Variants in STARD4 observed in about 807,000 individuals in gnomAD.
STARD4 encodes the protein StAR related lipid transfer domain containing 4.
STARD4 carries 33 observed loss-of-function variants against 24.9 expected under a neutral mutation model. The observed-to-expected ratio is 1.32, with a 90% CI of 1.00 to 1.77. STARD4 has a LOEUF of 1.77. Among genes scored for constraint, STARD4 ranks in the 40% most tolerant of loss-of-function variants. The pLI, the probability that STARD4 is intolerant of heterozygous loss-of-function variation, is 0.00. For synonymous variants in STARD4, 88 were observed against 77.4 expected (o/e 1.14, Z -0.72); for missense variants, 238 against 249.3 (o/e 0.95, Z 0.31).
In STARD4 at chr5:111,497,672, C is replaced by T. The variant is rs535305251; in HGVS notation, c.*2214G>A. ...TGTGGCTTCTAGAATTTTTTAATTA[C>T]ATATATCACTTACATTATTGTTCTA... On this transcript the variant is annotated 3_prime_UTR_variant, in exon 6 of 6. Coordinates refer to ENST00000296632, the MANE Select transcript of STARD4 (RefSeq NM_139164.3). The T allele has an allele frequency of 2.6e-5, 4 of 152,096 alleles. No individual in the cohort carries two copies. The highest frequency in any genetic ancestry group is 5.9e-5 in the Non-Finnish European group (4 of 67,884). 9.4% of individuals were successfully genotyped at this position (152,096 alleles called of 1,614,324 possible).
rs1756958798 is a variant in STARD4 at position 111,507,560 on chromosome 5, C to A, written c.-9-118G>T. On this transcript the variant is annotated intron_variant, in intron 1 of 5. Coordinates refer to ENST00000296632, the MANE Select transcript of STARD4 (RefSeq NM_139164.3). This position sits in a 1 kb window ranked among gnomAD's most constrained non-coding sequence, Gnocchi z 4.4. ...TACCAGAGCTATAAAAGATAGCTAC[C>A]CTCACCCCAAATCAACTAATCATAA... The A allele has an allele frequency of 1.6e-6, 1 of 640,804 alleles. No individual in the cohort carries two copies. The highest frequency in any genetic ancestry group is 2.6e-6 in the Non-Finnish European group (1 of 390,642). The allele number at this position is 640,804 out of a possible 1,614,324, so 39.7% of individuals were successfully genotyped here. A position where few individuals can be genotyped will look rare whatever the true frequency, so the allele number is the denominator to read the frequency against.
chr5:111,500,800 TG>T, intron 5 of STARD4: 1 of 1,476,620 alleles, frequency 6.8e-7, no homozygotes, highest in Non-Finnish European at 8.9e-7. Flanking sequence ...ACTGTGTAAC[TG>T]GGAACAAAAA....
chr5:111,499,111 T>C lies in STARD4; in HGVS notation c.*775A>G, dbSNP rs1039162585. 1 of 152,140 alleles carries C rather than the reference T, an allele frequency of 6.6e-6. No homozygotes were observed. Among genetic ancestry groups the C allele is most frequent in the Non-Finnish European group, 1.5e-5 (1 of 68,016 alleles). The allele number at this position is 152,140 out of a possible 1,614,324, so 9.4% of individuals were successfully genotyped here. A position where few individuals can be genotyped will look rare whatever the true frequency, so the allele number is the denominator to read the frequency against. On this transcript the variant is annotated 3_prime_UTR_variant, in exon 6 of 6. Transcript: ENST00000296632. ...GTGTGCATGTACACAAAAAAATATA[T>C]ACAAAGATTTGCCTGGATACCTGAA...
chr5:111,507,955 T>A lies in STARD4; in HGVS notation c.-9-513A>T, dbSNP rs965860964. ...AGCCCAAGTTCTCAAGTCAAAAGGC[T>A]TGGAATTGCCCTTAATAAGAATAGG... is the stretch of plus-strand genomic sequence containing the variant. On this transcript the variant is annotated intron_variant, in intron 1 of 5. Transcript: ENST00000296632. This position sits in a 1 kb window ranked among gnomAD's most constrained non-coding sequence, Gnocchi z 4.4. Among the ~76,000 whole-genome samples, 10 of 152,166 alleles carry A rather than the reference T, an allele frequency of 6.6e-5. No individual in the cohort carries two copies. The highest frequency in any genetic ancestry group is 2.2e-4 in the African/African-American group (9 of 41,448).
intron 5 of STARD4, 183 bp from the exon 6 acceptor site, chr5:111,500,289 T>A: frequency 3.0e-6 from 4 of 1,336,502 alleles, no homozygotes; most frequent in Non-Finnish European, 3.8e-6. Flanking sequence ...TGACAAGAGG[T>A]TGGCAGATAG....
chr5:111,509,721 T>TA (rs1243611551), intron 1 of STARD4, among the ~76,000 whole-genome samples: 2 of 152,060 alleles, frequency 1.3e-5, no homozygotes, highest in Non-Finnish European at 2.9e-5. Flanking sequence ...ACACAGTGAA[T>TA]AAAAAATGGA....
At chr5:111,511,059 A>C (rs1430074896) in intron 1 of STARD4, among the ~76,000 whole-genome samples, 5 of 152,222 alleles carry the variant, frequency 3.3e-5, no homozygotes, top group East Asian at 1.9e-4. Context: ...AAGCTTTGTA[A>C]ATTAAATTAT....
chr5:111,502,110 C>T, intron 3 of STARD4, 22 bp from the exon 4 acceptor site: 1 of 1,605,420 alleles, frequency 6.2e-7, no homozygotes, highest in Non-Finnish European at 8.5e-7. Context: ...AAGTTTAAGT[C>T]AACCGCTGTT....
Position 111,507,194 on chromosome 5 carries a change from T to A in STARD4, c.105+135A>T. The A allele has an allele frequency of 3.0e-6, 2 of 670,394 alleles. No homozygotes were observed. The highest frequency in any genetic ancestry group is 5.7e-5 in the East Asian group (2 of 35,396). The allele number at this position is 670,394 out of a possible 1,614,324, so 41.5% of individuals were successfully genotyped here. On this transcript the variant is annotated intron_variant, in intron 2 of 5. Transcript: ENST00000296632. This position sits in a 1 kb window ranked among gnomAD's most constrained non-coding sequence, Gnocchi z 4.4. Reference sequence around the variant, plus strand: ...TGTGACATTAGACTATCAACTTTATTAGCTCAATTATTTTTCTTGCATATC... The same window carrying A: ...TGTGACATTAGACTATCAACTTTATAAGCTCAATTATTTTTCTTGCATATC...
At chr5:111,505,480 TG>T (rs368745038) in intron 3 of STARD4, among the ~76,000 whole-genome samples, 14 of 152,352 alleles carry the variant, frequency 9.2e-5, no homozygotes, top group African/African-American at 3.4e-4. Flanking sequence ...GCAAGGCAGT[TG>T]TCTCTACAAG....
In STARD4 at chr5:111,500,002, G is replaced by A. The variant is rs1220518733; in HGVS notation, c.502C>T (p.Leu168Phe). ...TCTGTCTGAATATATCCTGTCAAAA[G>A]ACTCTGGTTTGGGTTGTCTTTAAGT... The part of the protein sequence containing the change: ...VPLKDNPNQS[L>F]LTGYIQTDLR... The change falls in exon 6 of 6, where the codon CTT (leucine) becomes TTT (phenylalanine). Residue 168 changes from leucine to phenylalanine, a missense_variant. Coordinates refer to ENST00000296632, the MANE Select transcript of STARD4 (RefSeq NM_139164.3). 6.2e-7 allele frequency: 1 copy of A among 1,614,048 alleles called. No individual in the cohort carries two copies. Among genetic ancestry groups the A allele is most frequent in the African/African-American group, 1.3e-5 (1 of 74,924 alleles).
Position 111,501,995 on chromosome 5 carries a change from C to A in STARD4, c.249G>T (p.Met83Ile), listed in dbSNP as rs747785621. 2.5e-6 allele frequency: 4 copies of A among 1,614,102 alleles called. No homozygotes were observed. The Admixed American group carries it at 5.0e-5, about 20-fold the overall frequency. ...AGTTCTCCAGAATATCCAAAGAAGT[C>A]ATCAAGCTGTCCCAATCCAAACGAC... ...GPCRLDWDSL[M>I]TSLDILENFE... The change falls in exon 4 of 6, where the codon ATG becomes ATT. Residue 83 changes from methionine (M) to isoleucine (I), a missense_variant. Met to Ile is a conservative substitution (Grantham distance 10). Coordinates refer to ENST00000296632, the MANE Select transcript of STARD4 (RefSeq NM_139164.3).
rs1041731106 is a variant in STARD4, at chr5:111,506,779, G to A, written c.106-400C>T. Among the ~76,000 whole-genome samples, 42 of 152,068 alleles carry A rather than the reference G, an allele frequency of 2.8e-4. 1 individual carries two copies. Among genetic ancestry groups the A allele is most frequent in the African/African-American group, 9.7e-4 (40 of 41,390 alleles). On this transcript the variant is annotated intron_variant, in intron 2 of 5. Coordinates refer to ENST00000296632, the MANE Select transcript of STARD4 (RefSeq NM_139164.3). ...AAATTAAACAATTCACATTTATTAC[G>A]ACAGTGTTAACATGAATTTGTCCCT...
At chr5:111,511,859 A>C (rs183625254) in intron 1 of STARD4, among the ~76,000 whole-genome samples, 1 of 152,344 alleles carries the variant, frequency 6.6e-6, no homozygotes, top group Admixed American at 6.5e-5. Context: ...GTGAGAAATT[A>C]TTTGAGTTAA....
intron 3 of STARD4, among the ~76,000 whole-genome samples, chr5:111,505,488 C>T (rs1289298091): frequency 6.6e-6 from 1 of 152,140 alleles, no homozygotes; most frequent in African/African-American, 2.4e-5. Context: ...GTTGTCTCTA[C>T]AAGCTTTAAA....
intron 3 of STARD4, 145 bp downstream of exon 3, chr5:111,506,185 C>T (rs550879527): frequency 6.9e-5 from 22 of 319,730 alleles, no homozygotes; most frequent in African/African-American, 6.5e-4. Context: ...CAGAGTGAGA[C>T]TCTGTCTCAA....
Position 111,507,210 on chromosome 5 carries a change from C to A in STARD4, c.105+119G>T. On this transcript the variant is annotated intron_variant, in intron 2 of 5. Coordinates refer to ENST00000296632, the MANE Select transcript of STARD4 (RefSeq NM_139164.3). The surrounding 1 kb of genome is among the most constrained non-coding windows in gnomAD (Gnocchi z 4.4). ...CAACTTTATTAGCTCAATTATTTTT[C>A]TTGCATATCCATCCAAAGTATGGTC... 1 of 758,698 alleles carries A rather than the reference C, an allele frequency of 1.3e-6. No homozygotes were observed. The allele number at this position is 758,698 out of a possible 1,614,324, so 47.0% of individuals were successfully genotyped here.
Position 111,502,103 on chromosome 5 carries a change from T to C in STARD4, c.156-15A>G. On this transcript the variant is annotated splice_polypyrimidine_tract_variant and intron_variant, in intron 3 of 5. Coordinates refer to ENST00000296632, the MANE Select transcript of STARD4 (RefSeq NM_139164.3). ...GGGCTTTGTAGCTGGAGAAAAAAAG[T>C]TTAAGTCAACCGCTGTTACAATAAA... The C allele has an allele frequency of 6.2e-7, 1 of 1,607,646 alleles. No homozygotes were observed. The highest frequency in any genetic ancestry group is 1.1e-5 in the South Asian group (1 of 90,204).
At position 111,500,039 on chromosome 5, in the gene STARD4, C is replaced by T; in HGVS notation, c.465G>A (p.Trp155Ter). The change falls in exon 6 of 6, where the codon TGG (tryptophan) becomes TGA (stop). Residue 155 changes from tryptophan to a stop codon, truncating the protein, a stop_gained. Coordinates refer to ENST00000296632, the MANE Select transcript of STARD4 (RefSeq NM_139164.3). LOFTEE classifies it high-confidence loss of function. ...FVRGYNHPCG[W>*]FCVPLKDNPN... ...GGTTGTCTTTAAGTGGAACACAAAA[C>T]CAACCACAGGGATGGTTATATCCTC... is the stretch of plus-strand genomic sequence containing the variant. The T allele has an allele frequency of 6.2e-7, 1 of 1,614,160 alleles. No homozygotes were observed. Among genetic ancestry groups the T allele is most frequent in the East Asian group, 2.2e-5 (1 of 44,884 alleles).
Sources: gnomAD v4.1 joint callset for allele counts (sites outside exome capture counted in the v4.1 genomes callset) on GRCh38, gnomAD v4.1.1 for gene constraint, Gnocchi (gnomAD v3.1) non-coding constraint, MANE v1.5 for transcripts, NCBI Gene and HGNC (gene_info 2026-07-23, HGNC 2026-07-21) for gene names.